Variants in SPOCK3 observed in about 807,000 individuals in gnomAD.
SPOCK3 encodes the protein SPARC (osteonectin), cwcv and kazal like domains proteoglycan 3.
In SPOCK3, 30 loss-of-function variants were observed where a neutral mutation model predicts 56.6. The observed-to-expected ratio is 0.53, with a 90% confidence interval of 0.40 to 0.72. The LOEUF (loss-of-function observed/expected upper bound fraction) is 0.72, where lower values mean the gene tolerates loss of function less well. Ranked by LOEUF, SPOCK3 falls within the 30% of genes least tolerant of loss-of-function variation. The pLI is 0.00. For missense variants in SPOCK3, 527 were observed against 530.0 expected, an observed-to-expected ratio of 0.99 and a Z score of 0.06; for synonymous variants, 196 against 183.3, an observed-to-expected ratio of 1.07 and a Z score of -0.56.
intron 4 of SPOCK3, among the ~76,000 whole-genome samples, chr4:166,930,399 C>G (rs1178697736): frequency 6.6e-6 from 1 of 151,784 alleles, no homozygotes; most frequent in East Asian, 1.9e-4. Context: ...TGGTAGTTTC[C>G]TCTGTCATTA....
intron 4 of SPOCK3, among the ~76,000 whole-genome samples, chr4:166,923,007 C>T (rs1335763477): frequency 1.3e-5 from 2 of 152,202 alleles, no homozygotes; most frequent in Non-Finnish European, 2.9e-5. Context: ...GAAATTTAAT[C>T]TCTCACCGTT....
In SPOCK3 at chr4:167,216,232, G is replaced by A. The variant is rs114952382; in HGVS notation, c.189+17753C>T. Among the ~76,000 whole-genome samples the A allele has an allele frequency of 6.4e-3, 966 of 151,910 alleles. 7 individuals carry two copies. The highest frequency in any genetic ancestry group is 0.022 in the African/African-American group (907 of 41,448). ...AACTGATCCATTATGTGGAGTTTGC[G>A]GTTTATCCCACCGAAAAAAATACCG... is the stretch of plus-strand genomic sequence containing the variant. On this transcript the variant is annotated intron_variant, in intron 2 of 10. Coordinates refer to ENST00000357545, the MANE Select transcript of SPOCK3 (RefSeq NM_001040159.2).
chr4:167,027,845 G>T (rs1262625160), intron 3 of SPOCK3, among the ~76,000 whole-genome samples: 1 of 151,968 alleles, frequency 6.6e-6, no homozygotes, highest in Non-Finnish European at 1.5e-5. Context: ...TGTCTCAGGG[G>T]TGTCAGAGGT....
chr4:167,115,264 C>G (rs563600729), intron 2 of SPOCK3, among the ~76,000 whole-genome samples: 1 of 151,008 alleles, frequency 6.6e-6, no homozygotes, highest in East Asian at 1.9e-4. Flanking sequence ...TAGCTGTGAA[C>G]CAAGGCTGTA....
In SPOCK3 at chr4:167,188,647, G is replaced by GA. The variant is rs1389202535; in HGVS notation, c.189+45337dup. ...CGAAAAAATAAATAAGAAAAGAGCA[G>GA]AAAAAAACAAAAACCAGTCAAAGCA... On this transcript the variant is annotated intron_variant, in intron 2 of 10. Transcript: ENST00000357545. Among the ~76,000 whole-genome samples, 17 of 145,226 alleles carry GA rather than the reference G, an allele frequency of 1.2e-4. 2 individuals are homozygous for GA. Among genetic ancestry groups the GA allele is most frequent in the South Asian group, 2.1e-4 (1 of 4,658 alleles).
chr4:166,793,433 A>G (rs989742778), intron 6 of SPOCK3, among the ~76,000 whole-genome samples: 1 of 152,228 alleles, frequency 6.6e-6, no homozygotes, highest in African/African-American at 2.4e-5. Context: ...CAGTAATGAT[A>G]GCTGATGAGC....
intron 4 of SPOCK3, among the ~76,000 whole-genome samples, chr4:166,950,642 GCACCA>G (rs1267944527): frequency 1.3e-5 from 2 of 149,918 alleles, no homozygotes; most frequent in African/African-American, 5.0e-5. Context: ...ATTTTTTTCA[GCACCA>G]CACCACACCT....
At chr4:166,775,712 G>A (rs1739450327) in intron 7 of SPOCK3, among the ~76,000 whole-genome samples, 1 of 152,156 alleles carries the variant, frequency 6.6e-6, no homozygotes, top group African/African-American at 2.4e-5. Context: ...CTTAGAGGGT[G>A]GCCCATGAAG....
intron 6 of SPOCK3, among the ~76,000 whole-genome samples, chr4:166,854,439 A>G (rs931667638): frequency 1.3e-5 from 2 of 152,234 alleles, no homozygotes; most frequent in Admixed American, 6.5e-5. Context: ...ACTGAACAGA[A>G]TAATTAAGAA....
chr4:167,095,453 C>T (rs1251872728), intron 2 of SPOCK3, among the ~76,000 whole-genome samples: 1 of 151,760 alleles, frequency 6.6e-6, no homozygotes, highest in Non-Finnish European at 1.5e-5. Flanking sequence ...AATCCTAAGG[C>T]AAGCAGTAGA....
intron 2 of SPOCK3, among the ~76,000 whole-genome samples, chr4:167,114,984 T>A (rs367739036): frequency 3.3e-5 from 5 of 152,082 alleles, no homozygotes; most frequent in Non-Finnish European, 7.4e-5. Flanking sequence ...TAAAATAATT[T>A]AAAATAATAT....
chr4:167,010,763 T>G (rs1429163539), intron 3 of SPOCK3, among the ~76,000 whole-genome samples: 1 of 152,070 alleles, frequency 6.6e-6, no homozygotes, highest in Non-Finnish European at 1.5e-5. Flanking sequence ...TAAAATTTGA[T>G]GATTTGAAAT....
intron 2 of SPOCK3, among the ~76,000 whole-genome samples, chr4:167,223,260 GTATA>G (rs1332525873): frequency 2.2e-5 from 3 of 138,818 alleles, no homozygotes; most frequent in South Asian, 2.2e-4. Flanking sequence ...ATAAATATAT[GTATA>G]TATTCATTTA....
chr4:166,769,508 G>A (rs1284295847), intron 7 of SPOCK3, among the ~76,000 whole-genome samples: 2 of 152,172 alleles, frequency 1.3e-5, no homozygotes, highest in Non-Finnish European at 2.9e-5. Flanking sequence ...AGTGAATATT[G>A]CTGAACAGCA....
At chr4:167,076,259 A>G (rs1021713789) in intron 2 of SPOCK3, among the ~76,000 whole-genome samples, 14 of 151,974 alleles carry the variant, frequency 9.2e-5, no homozygotes, top group African/African-American at 3.4e-4. Context: ...AGTAGAATGA[A>G]CAATATCAAC....
chr4:167,112,327 C>T (rs937845716), intron 2 of SPOCK3, among the ~76,000 whole-genome samples: 3 of 152,046 alleles, frequency 2.0e-5, no homozygotes, highest in Non-Finnish European at 4.4e-5. Context: ...TACAAGTATG[C>T]AACTCCTGTC....
intron 4 of SPOCK3, among the ~76,000 whole-genome samples, chr4:166,929,543 T>C (rs1739494928): frequency 1.0e-5 from 1 of 99,814 alleles, no homozygotes; most frequent in South Asian, 3.7e-4. Context: ...TTTCAGTAGC[T>C]TAAATATCCT....
At chr4:167,206,411 G>GTA in intron 2 of SPOCK3, among the ~76,000 whole-genome samples, 1 of 148,124 alleles carries the variant, frequency 6.8e-6, no homozygotes, top group Admixed American at 6.8e-5. Context: ...ACATATATGT[G>GTA]TATAAATATA....
intron 6 of SPOCK3, among the ~76,000 whole-genome samples, chr4:166,847,647 TTATATATATATATATATATATATA>T (rs147015731): frequency 0.12 from 6,707 of 55,472 alleles, 808 homozygotes; most frequent in African/African-American, 0.32. Flanking sequence ...AAATCCTAGT[TTATATATATATATATATATATATA>T]TATATATATA....
Sources: allele counts gnomAD v4.1 joint callset (sites outside exome capture counted in the v4.1 genomes callset), GRCh38; gene constraint gnomAD v4.1.1; transcripts MANE v1.5; gene names NCBI Gene and HGNC (gene_info 2026-07-23, HGNC 2026-07-21).